The following BRD10 variants were observed in gnomAD, a reference collection of about 807,000 sequenced individuals.
BRD10 encodes the protein uncharacterized bromodomain-containing protein 10.
the BRD10 span, among the ~76,000 whole-genome samples, chr9:5,986,443 C>T: frequency 1.2e-4 from 19 of 152,094 alleles, no homozygotes; most frequent in African/African-American, 2.9e-4. Context: ...TAGGCATGCA[C>T]GTACCTTTAT....
chr9:5,890,398 A>G, the BRD10 span, among the ~76,000 whole-genome samples: 1 of 152,214 alleles, frequency 6.6e-6, no homozygotes, highest in Non-Finnish European at 1.5e-5. Flanking sequence ...GTTTATCTGA[A>G]GTTCAAATTT....
chr9:5,971,348 C>T, the BRD10 span, among the ~76,000 whole-genome samples: 3 of 152,136 alleles, frequency 2.0e-5, no homozygotes, highest in Non-Finnish European at 4.4e-5. Context: ...ACTATGTGAT[C>T]TAGCAATTCT....
the BRD10 span, among the ~76,000 whole-genome samples, chr9:5,980,652 T>TCACA: frequency 1.3e-5 from 2 of 150,642 alleles, no homozygotes; most frequent in East Asian, 1.9e-4. Flanking sequence ...AAAAAAAACT[T>TCACA]CACACACACA....
At chr9:5,988,478 C>T in the BRD10 span, 6 of 1,613,764 alleles carry the variant, frequency 3.7e-6, no homozygotes, top group Non-Finnish European at 5.1e-6. Context: ...CATGCAGTTC[C>T]CTTCTCATCC....
the BRD10 span, chr9:5,968,832 C>G: frequency 9.9e-6 from 16 of 1,613,788 alleles, no homozygotes; most frequent in Non-Finnish European, 1.4e-5. Context: ...TAAGCATTCT[C>G]CAAATAATCA....
At chr9:5,959,356 T>C in the BRD10 span, among the ~76,000 whole-genome samples, 40 of 152,334 alleles carry the variant, frequency 2.6e-4, 1 homozygote, top group Non-Finnish European at 5.6e-4. Context: ...TGTGTGACTT[T>C]GGACAAATAA....
the BRD10 span, among the ~76,000 whole-genome samples, chr9:5,944,466 T>TA: frequency 6.6e-6 from 1 of 152,130 alleles, no homozygotes; most frequent in South Asian, 2.1e-4. Flanking sequence ...GGGGCAGTAT[T>TA]AAACAATTTA....
the BRD10 span, chr9:5,899,176 T>TG: frequency 1.3e-5 from 2 of 152,156 alleles, no homozygotes; most frequent in East Asian, 3.8e-4. Flanking sequence ...TGATGCATAA[T>TG]GGAAAAAAAG....
chr9:5,988,256 T>C, the BRD10 span: 2 of 868,766 alleles, frequency 2.3e-6, no homozygotes, highest in South Asian at 3.0e-5. Context: ...CAATGCATTT[T>C]AGAACACTAC....
chr9:5,920,704 A>T, the BRD10 span: 1 of 1,613,988 alleles, frequency 6.2e-7, no homozygotes, highest in South Asian at 1.1e-5. Flanking sequence ...CTGCTGCCGA[A>T]TGTGGAACTG....
At chr9:5,989,745 T>C in the BRD10 span, among the ~76,000 whole-genome samples, 1 of 152,092 alleles carries the variant, frequency 6.6e-6, no homozygotes, top group Non-Finnish European at 1.5e-5. Context: ...CCCAGGCTGG[T>C]CTTGAATGCC....
the BRD10 span, among the ~76,000 whole-genome samples, chr9:5,914,766 C>A: frequency 6.6e-6 from 1 of 151,992 alleles, no homozygotes; most frequent in Non-Finnish European, 1.5e-5. Context: ...TTTTTTAGAT[C>A]ATTCCATGAG....
At chr9:5,988,635 A>C in the BRD10 span, 813 of 901,600 alleles carry the variant, frequency 9.0e-4, 4 homozygotes, top group African/African-American at 0.012. Flanking sequence ...CCCTTTTGCT[A>C]AATACATAAA....
At chr9:5,913,849 G>A in the BRD10 span, 2 of 266,694 alleles carry the variant, frequency 7.5e-6, no homozygotes, top group South Asian at 3.5e-5. Flanking sequence ...CAAAGAAATG[G>A]TCTCCCACCT....
At chr9:5,957,281 C>T in the BRD10 span, among the ~76,000 whole-genome samples, 2 of 152,160 alleles carry the variant, frequency 1.3e-5, no homozygotes, top group African/African-American at 4.8e-5. Context: ...ATGTGTCACA[C>T]AGTAAGTAAG....
chr9:6,007,918 A>G, the BRD10 span: 7 of 1,335,334 alleles, frequency 5.2e-6, no homozygotes, highest in Non-Finnish European at 6.7e-6. Context: ...GGCTCTCCTC[A>G]GCCGCCGGCT....
the BRD10 span, chr9:5,969,477 G>C: frequency 7.8e-7 from 1 of 1,278,730 alleles, no homozygotes; most frequent in Non-Finnish European, 1.1e-6. Flanking sequence ...TATTCAGAGG[G>C]TACCATAAAA....
chr9:6,003,741 A>G, the BRD10 span, among the ~76,000 whole-genome samples: 3 of 152,098 alleles, frequency 2.0e-5, no homozygotes, highest in African/African-American at 7.2e-5. Flanking sequence ...TTTTAGTCCT[A>G]CTTCTCTTGA....
At chr9:5,917,322 C>T in the BRD10 span, among the ~76,000 whole-genome samples, 1 of 152,152 alleles carries the variant, frequency 6.6e-6, no homozygotes, top group African/African-American at 2.4e-5. Flanking sequence ...TCAAAGAAGA[C>T]ATCTGGGAAG....
Sources: gnomAD v4.1 joint callset for allele counts (sites outside exome capture counted in the v4.1 genomes callset) on GRCh38, gnomAD v4.1.1 for gene constraint, MANE v1.5 for transcripts, NCBI Gene and HGNC (gene_info 2026-07-23, HGNC 2026-07-21) for gene names.